NEDD4L: variants seen among roughly 807,000 people sequenced by gnomAD.
NEDD4L encodes E3 ubiquitin-protein ligase NEDD4-like.
NEDD4L carries 54 observed loss-of-function variants against 148.9 expected under a neutral mutation model. The observed-to-expected ratio is 0.36, with a 90% CI of 0.29 to 0.45. NEDD4L has a LOEUF of 0.45. NEDD4L is among the 20% of genes least tolerant of loss of function. The pLI is 1.00. For missense variants in NEDD4L, 856 were observed against 1,233.8 expected (o/e 0.69, Z 4.59); for synonymous variants, 433 against 440.7 (o/e 0.98, Z 0.22).
intron 19 of NEDD4L, among the ~76,000 whole-genome samples, chr18:58,357,731 G>T (rs1601659293): frequency 6.6e-6 from 1 of 152,190 alleles, no homozygotes; most frequent in Non-Finnish European, 1.5e-5. Flanking sequence ...TTGGAACTCT[G>T]CCGACCCACA....
chr18:58,284,951 A>G (rs1278247058), intron 5 of NEDD4L, among the ~76,000 whole-genome samples: 1 of 151,684 alleles, frequency 6.6e-6, no homozygotes, highest in East Asian at 1.9e-4. Flanking sequence ...CTCATGGGGC[A>G]CTCCTGCTCC....
chr18:58,363,894 T>A (rs1430671352), intron 19 of NEDD4L, among the ~76,000 whole-genome samples: 1 of 152,348 alleles, frequency 6.6e-6, no homozygotes, highest in Non-Finnish European at 1.5e-5. Flanking sequence ...TTCTGGGTTG[T>A]ATGTTAGAAG....
chr18:58,162,524 C>G (rs1315965891), intron 1 of NEDD4L, among the ~76,000 whole-genome samples: 2 of 151,692 alleles, frequency 1.3e-5, no homozygotes, highest in Non-Finnish European at 2.9e-5. Flanking sequence ...TCTCCCTCTA[C>G]TCAGTTGCTT....
intron 5 of NEDD4L, among the ~76,000 whole-genome samples, chr18:58,276,723 C>T (rs977285186): frequency 4.2e-4 from 57 of 135,010 alleles, no homozygotes; most frequent in African/African-American, 1.4e-3. Flanking sequence ...TAATAAAATG[C>T]TTACTAGGCG....
chr18:58,092,481 A>C (rs2084129056), intron 1 of NEDD4L, among the ~76,000 whole-genome samples: 1 of 152,140 alleles, frequency 6.6e-6, no homozygotes, highest in South Asian at 2.1e-4. Flanking sequence ...ACAGATGCTG[A>C]ACGGGTGGGG....
chr18:58,208,764 G>C (rs2042219724), intron 2 of NEDD4L, among the ~76,000 whole-genome samples: 1 of 152,198 alleles, frequency 6.6e-6, no homozygotes, highest in African/African-American at 2.4e-5. Context: ...AGTGGGTTCT[G>C]AATGACTGGC....
intron 1 of NEDD4L, among the ~76,000 whole-genome samples, chr18:58,136,494 A>T (rs2032863077): frequency 2.0e-5 from 3 of 152,148 alleles, no homozygotes; most frequent in Non-Finnish European, 4.4e-5. Flanking sequence ...ATTTTGTTTG[A>T]TATGCGGGGA....
chr18:58,211,164 C>T (rs2042567774), intron 2 of NEDD4L, among the ~76,000 whole-genome samples: 1 of 152,144 alleles, frequency 6.6e-6, no homozygotes, highest in Non-Finnish European at 1.5e-5. Context: ...AAAGACAAAA[C>T]ACTAAAGCCA....
chr18:58,314,911 T>C (rs1190758801), intron 5 of NEDD4L, among the ~76,000 whole-genome samples: 1 of 152,230 alleles, frequency 6.6e-6, no homozygotes, highest in Non-Finnish European at 1.5e-5. Flanking sequence ...TCCTTTTAAA[T>C]GGAAGAAGAG....
chr18:58,351,431 GT>G (rs1023337904), intron 18 of NEDD4L, among the ~76,000 whole-genome samples: 5 of 152,230 alleles, frequency 3.3e-5, no homozygotes, highest in African/African-American at 1.2e-4. Context: ...CAGCATGTAA[GT>G]TTTTTAGACA....
intron 2 of NEDD4L, among the ~76,000 whole-genome samples, chr18:58,235,162 A>G (rs1443838829): frequency 2.0e-5 from 3 of 152,052 alleles, no homozygotes; most frequent in Non-Finnish European, 4.4e-5. Context: ...GCTTAAGTAC[A>G]CAGGAAGTGT....
intron 2 of NEDD4L, among the ~76,000 whole-genome samples, chr18:58,244,691 C>CT (rs939640587): frequency 7.3e-5 from 11 of 151,588 alleles, no homozygotes; most frequent in Admixed American, 3.9e-4. Context: ...TTGTTTTTGT[C>CT]TTTTTTTTGG....
chr18:58,064,915 A>G (rs1050426739), intron 1 of NEDD4L, among the ~76,000 whole-genome samples: 1 of 152,194 alleles, frequency 6.6e-6, no homozygotes, highest in Non-Finnish European at 1.5e-5. Context: ...AGCCCGGGCA[A>G]CATAGCTTGA....
chr18:58,374,689 C>T (rs1601843484), intron 24 of NEDD4L, among the ~76,000 whole-genome samples: 2 of 151,692 alleles, frequency 1.3e-5, no homozygotes, highest in East Asian at 2.0e-4. Flanking sequence ...TAGCTCACTC[C>T]CCCCAGAGAC....
At chr18:58,139,728 G>C (rs541521415) in intron 1 of NEDD4L, among the ~76,000 whole-genome samples, 5 of 152,272 alleles carry the variant, frequency 3.3e-5, no homozygotes, top group Non-Finnish European at 7.3e-5. Context: ...CTGTGCCTGA[G>C]GAGCCTGACT....
intron 22 of NEDD4L, among the ~76,000 whole-genome samples, chr18:58,368,908 A>G (rs1453651564): frequency 6.6e-6 from 1 of 152,204 alleles, no homozygotes; most frequent in Non-Finnish European, 1.5e-5. Flanking sequence ...AATTCACTCC[A>G]ACTTTCTCAG....
chr18:58,280,168 G>C (rs1226750371), intron 5 of NEDD4L, among the ~76,000 whole-genome samples: 1 of 152,090 alleles, frequency 6.6e-6, no homozygotes, highest in African/African-American at 2.4e-5. Context: ...TCGGCCTCCT[G>C]AGCAGCCACT....
chr18:58,286,850 G>A (rs528984405), intron 5 of NEDD4L, among the ~76,000 whole-genome samples: 9 of 152,326 alleles, frequency 5.9e-5, no homozygotes, highest in African/African-American at 9.6e-5. Flanking sequence ...CGCTCCTTAT[G>A]TGCATAAACT....
intron 1 of NEDD4L, among the ~76,000 whole-genome samples, chr18:58,068,740 A>ATG (rs1242038330): frequency 6.6e-6 from 1 of 152,168 alleles, no homozygotes; most frequent in East Asian, 1.9e-4. Context: ...GGCTTGAGAG[A>ATG]TGTCAGTGGG....
Sources: gnomAD v4.1 joint callset for allele counts (sites outside exome capture counted in the v4.1 genomes callset) on GRCh38, gnomAD v4.1.1 for gene constraint, MANE v1.5 for transcripts, NCBI Gene and HGNC (gene_info 2026-07-23, HGNC 2026-07-21) for gene names.